The following CCDC152 variants were observed in gnomAD, a reference collection of about 807,000 sequenced individuals.
The protein encoded by CCDC152 is coiled-coil domain containing 152.
A neutral mutation model predicts 38.1 loss-of-function variants in CCDC152; 37 were observed. The observed-to-expected ratio is 0.97, with a 90% CI of 0.75 to 1.28. CCDC152 has a LOEUF of 1.28. Among genes scored for constraint, CCDC152 ranks in the 50% most tolerant of loss-of-function variants. CCDC152 has a pLI of 0.00. For missense variants in CCDC152, 259 were observed against 292.1 expected (o/e 0.89, Z 0.83); for synonymous variants, 83 against 87.1 (o/e 0.95, Z 0.26).
rs1759813702 is a variant in CCDC152 at position 42,779,492 on chromosome 5, T to C, written c.297T>C (p.Leu99=). Residue 99 remains leucine (L), a synonymous_variant, in exon 5 of 9, where the codon CTT becomes CTC. Transcript: ENST00000361970. ...AACAACTAAAAATAAGTGCTGATCT[T>C]ATAAAAGAGAAGTTAAAGTCTCATG... The part of the protein sequence containing the change: ...ENEQLKISAD[L]IKEKLKSHEQ... 1.3e-6 allele frequency: 2 copies of C among 1,518,964 alleles called. No individual in the cohort carries two copies. Among genetic ancestry groups the C allele is most frequent in the Non-Finnish European group, 1.8e-6 (2 of 1,117,666 alleles). The allele number at this position is 1,518,964 out of a possible 1,614,324, so 94.1% of individuals were successfully genotyped here.
At chr5:42,790,247 G>T (rs141611908) in intron 6 of CCDC152, among the ~76,000 whole-genome samples, 6 of 152,014 alleles carry the variant, frequency 3.9e-5, no homozygotes, top group African/African-American at 9.7e-5. Flanking sequence ...CAAGGCGGGC[G>T]GATTACCTGA....
At chr5:42,792,894 C>T (rs2111593162) in intron 6 of CCDC152, among the ~76,000 whole-genome samples, 1 of 152,240 alleles carries the variant, frequency 6.6e-6, no homozygotes, top group East Asian at 1.9e-4. Flanking sequence ...ATCTGAGAGG[C>T]TCATTGTCAT....
chr5:42,786,466 T>C (rs1759922827), intron 6 of CCDC152, among the ~76,000 whole-genome samples: 1 of 152,130 alleles, frequency 6.6e-6, no homozygotes, highest in African/African-American at 2.4e-5. Flanking sequence ...GTGGTATTAG[T>C]TGTAATGTCA....
rs1445548216 is a variant in CCDC152 at position 42,762,553 on chromosome 5, G to A, written c.193+5G>A. 3 of 1,388,232 alleles carry A rather than the reference G, an allele frequency of 2.2e-6. No individual in the cohort carries two copies. In the African/African-American group the frequency reaches 4.3e-5, roughly 20 times the overall value. The allele number at this position is 1,388,232 out of a possible 1,614,324, so 86.0% of individuals were successfully genotyped here. On this transcript the variant is annotated splice_donor_5th_base_variant and intron_variant, in intron 3 of 8. Coordinates refer to ENST00000361970, the MANE Select transcript of CCDC152 (RefSeq NM_001134848.2). ...AGGAGGTCTCCATTAAAGAAGGTTA[G>A]TTATTTGCTGCCTGAGGAATGCTAA...
chr5:42,782,415 A>T (rs905340799), intron 5 of CCDC152, among the ~76,000 whole-genome samples: 2 of 152,204 alleles, frequency 1.3e-5, no homozygotes, highest in Non-Finnish European at 2.9e-5. Context: ...AAGCAAAGAT[A>T]AAAAAAGACA....
chr5:42,780,599 T>G (rs1419370418), intron 5 of CCDC152, among the ~76,000 whole-genome samples: 1 of 152,050 alleles, frequency 6.6e-6, no homozygotes, highest in East Asian at 1.9e-4. Context: ...TACAGGAATG[T>G]TCAGAGGGGA....
chr5:42,761,369 C>T (rs1367498726), intron 2 of CCDC152, among the ~76,000 whole-genome samples: 1 of 152,176 alleles, frequency 6.6e-6, no homozygotes, highest in East Asian at 1.9e-4. Flanking sequence ...AATCCCAACA[C>T]TTTGGGAGGC....
chr5:42,784,599 A>G, intron 6 of CCDC152, among the ~76,000 whole-genome samples: 1 of 149,764 alleles, frequency 6.7e-6, no homozygotes, highest in Non-Finnish European at 1.5e-5. Flanking sequence ...CTGTACAGAA[A>G]CTCTTTAAAT....
chr5:42,792,883 G>C (rs34159518), intron 6 of CCDC152, among the ~76,000 whole-genome samples: 1 of 151,908 alleles, frequency 6.6e-6, no homozygotes, highest in Admixed American at 6.5e-5. Flanking sequence ...GGATTCCTGA[G>C]ATCTGAGAGG....
chr5:42,790,452 A>G (rs1217658544), intron 6 of CCDC152, among the ~76,000 whole-genome samples: 2 of 152,248 alleles, frequency 1.3e-5, no homozygotes, highest in Non-Finnish European at 2.9e-5. Flanking sequence ...TACTGGGACT[A>G]TAAAATGGTA....
chr5:42,796,694 C>T, intron 6 of CCDC152, 135 bp from the exon 7 acceptor site: 1 of 603,552 alleles, frequency 1.7e-6, no homozygotes, highest in East Asian at 3.8e-5. Context: ...TATTCTATAC[C>T]TACACCATTT....
chr5:42,799,999 A>T lies in CCDC152; in HGVS notation c.*218A>T. On this transcript the variant is annotated 3_prime_UTR_variant, in exon 9 of 9. Transcript: ENST00000361970. Reference sequence around the variant, plus strand: ...AGGTCAGGTTTATAGGGTTTGGTTTACCTATTAAACCATCATTGACTATGG... The same window carrying T: ...AGGTCAGGTTTATAGGGTTTGGTTTTCCTATTAAACCATCATTGACTATGG... 1 of 493,062 alleles carries T rather than the reference A, an allele frequency of 2.0e-6. No homozygotes were observed. Among genetic ancestry groups the T allele is most frequent in the South Asian group, 2.9e-5 (1 of 34,058 alleles). The allele number at this position is 493,062 out of a possible 1,614,324, so 30.5% of individuals were successfully genotyped here. A position where few individuals can be genotyped will look rare whatever the true frequency, so the allele number is the denominator to read the frequency against.
At chr5:42,795,752 A>G (rs1305679975) in intron 6 of CCDC152, among the ~76,000 whole-genome samples, 1 of 152,170 alleles carries the variant, frequency 6.6e-6, no homozygotes, top group African/African-American at 2.4e-5. Context: ...ATATACCCAA[A>G]GGACTATAAA....
chr5:42,780,879 A>G (rs544123212), intron 5 of CCDC152, among the ~76,000 whole-genome samples: 48 of 152,340 alleles, frequency 3.2e-4, no homozygotes, highest in African/African-American at 1.1e-3. Context: ...TAAAATTCCC[A>G]GAAAGCATAT....
chr5:42,762,342 A>G (rs1252377252), intron 2 of CCDC152, 101 bp from the exon 3 acceptor site: 2 of 637,324 alleles, frequency 3.1e-6, no homozygotes, highest in Non-Finnish European at 5.5e-6. Flanking sequence ...AGACTATCAG[A>G]TATTAAGTGG....
chr5:42,781,693 G>T (rs1759848926), intron 5 of CCDC152, among the ~76,000 whole-genome samples: 1 of 151,770 alleles, frequency 6.6e-6, no homozygotes, highest in African/African-American at 2.4e-5. Flanking sequence ...ATTCTTATTG[G>T]CACTCCCATT....
chr5:42,794,475 C>G (rs1760047667), intron 6 of CCDC152, among the ~76,000 whole-genome samples: 1 of 152,184 alleles, frequency 6.6e-6, no homozygotes, highest in South Asian at 2.1e-4. Flanking sequence ...TAAGTGACAA[C>G]TTGTATAAAT....
intron 6 of CCDC152, among the ~76,000 whole-genome samples, chr5:42,788,285 G>A (rs947966637): frequency 6.7e-6 from 1 of 149,636 alleles, no homozygotes; most frequent in Non-Finnish European, 1.5e-5. Flanking sequence ...TAAGGCTTCT[G>A]TAAGAAGTCT....
rs371033970 is a variant in CCDC152, at chr5:42,760,880, T to C, written c.88-1563T>C. 2.0e-5 allele frequency among the ~76,000 whole-genome samples: 3 copies of C among 152,284 alleles called. No individual in the cohort carries two copies. The East Asian group carries it at 5.8e-4, about 29-fold the overall frequency. ...GGTGGGAAAGGAGTTAGTGCAATGA[T>C]TTTGGAAATTAATTTGGAAATATCT... On this transcript the variant is annotated intron_variant, in intron 2 of 8. Coordinates refer to ENST00000361970, the MANE Select transcript of CCDC152 (RefSeq NM_001134848.2).
Sources: gnomAD v4.1 joint callset for allele counts (sites outside exome capture counted in the v4.1 genomes callset) on GRCh38, gnomAD v4.1.1 for gene constraint, MANE v1.5 for transcripts, NCBI Gene and HGNC (gene_info 2026-07-23, HGNC 2026-07-21) for gene names.